Variants in SEMA3E observed in about 807,000 individuals in gnomAD.
SEMA3E encodes the protein semaphorin-3E.
SEMA3E carries 49 observed loss-of-function variants against 93.6 expected under a neutral mutation model. That is an observed-to-expected ratio of 0.52 (90% confidence interval 0.42 to 0.66). The LOEUF (loss-of-function observed/expected upper bound fraction) is 0.66. Among genes scored for constraint, SEMA3E ranks in the 30% least tolerant of loss-of-function variants. The pLI is 0.00. For synonymous variants in SEMA3E, 363 were observed against 330.7 expected, an observed-to-expected ratio of 1.10 and a Z score of -1.06; for missense variants, 906 against 964.8, an observed-to-expected ratio of 0.94 and a Z score of 0.81.
At chr7:83,487,285 A>G (rs1158821125) in intron 2 of SEMA3E, among the ~76,000 whole-genome samples, 2 of 152,150 alleles carry the variant, frequency 1.3e-5, no homozygotes, top group African/African-American at 2.4e-5. Flanking sequence ...TTTTGTGTAC[A>G]TGAGTCACCT....
chr7:83,418,177 GAC>G (rs1190697071), intron 5 of SEMA3E, among the ~76,000 whole-genome samples: 4 of 152,060 alleles, frequency 2.6e-5, no homozygotes, highest in Non-Finnish European at 5.9e-5. Context: ...CTCAGAGTGA[GAC>G]ACACACACTT....
chr7:83,505,833 G>C (rs1194533072), intron 1 of SEMA3E, among the ~76,000 whole-genome samples: 1 of 151,572 alleles, frequency 6.6e-6, no homozygotes, highest in African/African-American at 2.4e-5. Context: ...GGCTAACATG[G>C]TGAAACCTCG....
intron 1 of SEMA3E, among the ~76,000 whole-genome samples, chr7:83,569,535 G>A (rs1204987719): frequency 6.6e-6 from 1 of 152,098 alleles, no homozygotes; most frequent in Non-Finnish European, 1.5e-5. Context: ...TAAAGGGACA[G>A]AGAAAGATAT....
At chr7:83,586,526 T>C (rs1226097245) in intron 1 of SEMA3E, among the ~76,000 whole-genome samples, 2 of 151,798 alleles carry the variant, frequency 1.3e-5, no homozygotes, top group Non-Finnish European at 2.9e-5. Flanking sequence ...AGTAATAAAG[T>C]TTGGAAACTC....
At chr7:83,633,298 GCTC>G (rs1793822272) in intron 1 of SEMA3E, among the ~76,000 whole-genome samples, 1 of 151,930 alleles carries the variant, frequency 6.6e-6, no homozygotes, top group African/African-American at 2.4e-5. Flanking sequence ...ACATTTAAAA[GCTC>G]TTTCATTTAA....
intron 1 of SEMA3E, among the ~76,000 whole-genome samples, chr7:83,539,855 C>CTGTGTGTG (rs59200828): frequency 0.048 from 5,890 of 122,526 alleles, 214 homozygotes; most frequent in African/African-American, 0.089. Flanking sequence ...TTTGTTGTTT[C>CTGTGTGTG]TGTGTGTGTG....
chr7:83,384,398 T>C (rs1035770050), intron 16 of SEMA3E, among the ~76,000 whole-genome samples: 8 of 152,062 alleles, frequency 5.3e-5, no homozygotes, highest in Non-Finnish European at 1.0e-4. Context: ...CTAGAGCTTA[T>C]TTTCATTATT....
chr7:83,597,806 TACTC>T (rs1475995646), intron 1 of SEMA3E, among the ~76,000 whole-genome samples: 2 of 152,180 alleles, frequency 1.3e-5, no homozygotes, highest in African/African-American at 4.8e-5. Context: ...CCAATTCTAA[TACTC>T]ACAGTACTAC....
intron 16 of SEMA3E, among the ~76,000 whole-genome samples, chr7:83,369,357 G>A (rs1470934329): frequency 1.3e-5 from 2 of 152,146 alleles, no homozygotes; most frequent in African/African-American, 4.8e-5. Context: ...AAGTTTCAAT[G>A]TGATTACTCA....
chr7:83,454,141 C>A (rs1240360404), intron 4 of SEMA3E, among the ~76,000 whole-genome samples: 1 of 150,258 alleles, frequency 6.7e-6, no homozygotes, highest in Non-Finnish European at 1.5e-5. Context: ...TCTTGTAGTC[C>A]CAGCTACTCG....
intron 1 of SEMA3E, among the ~76,000 whole-genome samples, chr7:83,520,464 G>T (rs1424963521): frequency 6.6e-6 from 1 of 152,060 alleles, no homozygotes; most frequent in Admixed American, 6.6e-5. Flanking sequence ...AACACCCTCT[G>T]CCTCTACTAC....
chr7:83,408,454 T>C lies in SEMA3E; in HGVS notation c.584A>G (p.Tyr195Cys). The stretch of plus-strand genomic sequence containing the variant: ...GAAGATCGCAGCGTCTCTGCTCCAG[T>C]AGTCACTGTAGAGTCCAGCAAACAA... Reference protein sequence around the residue: ...SELFAGLYSDYWSRDAAIFRS... With the variant: ...SELFAGLYSDCWSRDAAIFRS... Residue 195 changes from tyrosine (Y) to cysteine (C), a missense_variant, in exon 6 of 17, where the codon TAC becomes TGC. By Grantham distance (194) the Tyr-to-Cys change is radical (BLOSUM62 -2). Coordinates refer to ENST00000643230, the MANE Select transcript of SEMA3E (RefSeq NM_012431.3). 1 of 1,613,776 alleles carries C rather than the reference T, an allele frequency of 6.2e-7. No individual in the cohort carries two copies. The highest frequency in any genetic ancestry group is 1.7e-5 in the Admixed American group (1 of 59,888).
chr7:83,486,255 T>C (rs1790252105), intron 2 of SEMA3E, among the ~76,000 whole-genome samples: 1 of 152,086 alleles, frequency 6.6e-6, no homozygotes, highest in Non-Finnish European at 1.5e-5. Context: ...CTGATTATCA[T>C]GACTGTGGAG....
At chr7:83,611,595 T>C (rs1470896474) in intron 1 of SEMA3E, among the ~76,000 whole-genome samples, 1 of 151,398 alleles carries the variant, frequency 6.6e-6, no homozygotes, top group Non-Finnish European at 1.5e-5. Context: ...CCAAAACACT[T>C]GGAATCATCC....
chr7:83,530,839 C>T (rs1158719263), intron 1 of SEMA3E, among the ~76,000 whole-genome samples: 1 of 151,526 alleles, frequency 6.6e-6, no homozygotes, highest in East Asian at 1.9e-4. Flanking sequence ...GATTGCGCCA[C>T]TGTACTCCAG....
chr7:83,464,714 C>T (rs185751270), intron 4 of SEMA3E, among the ~76,000 whole-genome samples: 40,531 of 100,348 alleles, frequency 0.4, 9,363 homozygotes, highest in East Asian at 0.81. Context: ...TCATTCTATA[C>T]GACAAATGTT....
chr7:83,627,302 G>C (rs890170264), intron 1 of SEMA3E, among the ~76,000 whole-genome samples: 1 of 152,110 alleles, frequency 6.6e-6, no homozygotes, highest in Non-Finnish European at 1.5e-5. Context: ...TGACAGTGGG[G>C]TGTTAAAGTC....
intron 1 of SEMA3E, among the ~76,000 whole-genome samples, chr7:83,508,222 A>G (rs1220145946): frequency 6.6e-6 from 1 of 151,868 alleles, no homozygotes; most frequent in Non-Finnish European, 1.5e-5. Context: ...GAATATAAAA[A>G]TATTAACTAA....
At chr7:83,404,558 T>A (rs1788291344) in intron 9 of SEMA3E, among the ~76,000 whole-genome samples, 1 of 152,002 alleles carries the variant, frequency 6.6e-6, no homozygotes, top group African/African-American at 2.4e-5. Flanking sequence ...TATAACCTTT[T>A]AACAAATACT....
Sources: allele counts gnomAD v4.1 joint callset (sites outside exome capture counted in the v4.1 genomes callset), GRCh38; gene constraint gnomAD v4.1.1; transcripts MANE v1.5; gene names NCBI Gene and HGNC (gene_info 2026-07-23, HGNC 2026-07-21).